NUAK1: variants seen among roughly 807,000 people sequenced by gnomAD.
NUAK1 encodes NUAK family SNF1-like kinase 1.
A neutral mutation model predicts 56.9 loss-of-function variants in NUAK1; 26 were observed. That is an observed-to-expected ratio of 0.46 (90% confidence interval 0.33 to 0.63). The LOEUF is 0.63. Among genes scored for constraint, NUAK1 ranks in the 30% least tolerant of loss-of-function variants. NUAK1 has a pLI of 0.02. For synonymous variants in NUAK1, 337 were observed against 336.0 expected (o/e 1.00, Z -0.03); for missense variants, 727 against 876.1 (o/e 0.83, Z 2.15).
At chr12:106,132,332 T>C (rs1375592127) in intron 1 of NUAK1, among the ~76,000 whole-genome samples, 3 of 152,240 alleles carry the variant, frequency 2.0e-5, no homozygotes, top group African/African-American at 7.2e-5. Context: ...TCGCTCAATG[T>C]ATTCACTTCA....
chr12:106,094,452 T>C (rs2032672827), intron 2 of NUAK1, among the ~76,000 whole-genome samples: 4 of 152,162 alleles, frequency 2.6e-5, no homozygotes, highest in African/African-American at 9.7e-5. Context: ...CTTCAAAACT[T>C]TCCTCCCTAG....
In NUAK1 at chr12:106,122,482, T is replaced by G. The variant is rs569941987; in HGVS notation, c.240+15932A>C. Among the ~76,000 whole-genome samples the G allele has an allele frequency of 6.6e-5, 10 of 152,370 alleles. No individual in the cohort carries two copies. In the South Asian group the frequency reaches 2.1e-3, roughly 32 times the overall value. Reference sequence around the variant, plus strand: ...GAATTCAGGTCAGTGACTGACATGCTTAGACTATCGCCTGGCATGTAATTG... The same window carrying G: ...GAATTCAGGTCAGTGACTGACATGCGTAGACTATCGCCTGGCATGTAATTG... On this transcript the variant is annotated intron_variant, in intron 1 of 6. Transcript: ENST00000261402.
At chr12:106,099,660 TTTCCTTACCATAAAATAGGGATCTTAACA>T (rs1223342615) in intron 2 of NUAK1, among the ~76,000 whole-genome samples, 5 of 152,108 alleles carry the variant, frequency 3.3e-5, no homozygotes, top group Non-Finnish European at 7.3e-5. Context: ...AAAGCTGAAT[TTTCCTTACCATAAAATAGGGATCTTAACA>T]TTTCATATTT....
rs2033158583 is a variant in NUAK1, at chr12:106,138,926, T to C, written c.-273A>G. 2.9e-6 allele frequency: 1 copy of C among 343,102 alleles called. No individual in the cohort carries two copies. The allele number at this position is 343,102 out of a possible 1,614,324, so 21.3% of individuals were successfully genotyped here. A position where few individuals can be genotyped will look rare whatever the true frequency, so the allele number is the denominator to read the frequency against. ...GTGGCGGCGGTGGCAGGGGAGGCGG[T>C]GGTGTTTGCAGGAGGGAGGGGAGAG... On this transcript the variant is annotated 5_prime_UTR_variant, in exon 1 of 7. Coordinates refer to ENST00000261402, the MANE Select transcript of NUAK1 (RefSeq NM_014840.3). The surrounding 1 kb of genome is among the most constrained non-coding windows in gnomAD (Gnocchi z 5.0).
rs559896740 is a variant in NUAK1 at position 106,107,012 on chromosome 12, C to T, written c.241-487G>A. ...TCGAGGCCAGCTCTGCCTCAAGCCT[C>T]GGCTTTTAAGACTCCAGGCTATGCT... On this transcript the variant is annotated intron_variant, in intron 1 of 6. Transcript: ENST00000261402. 9.9e-5 allele frequency among the ~76,000 whole-genome samples: 15 copies of T among 152,282 alleles called. No homozygotes were observed. In the South Asian group the frequency reaches 1.7e-3, roughly 17 times the overall value.
rs78790299 is a variant in NUAK1 at position 106,070,850 on chromosome 12, G to C, written c.756C>G (p.Pro252=). ...GGTTTTTGTGATCGAAACCATCGAA[G>C]GGCATTGTTCCATAAACAAGAGTGT... ...LLYTLVYGTM[P]FDGFDHKNLI... Residue 252 remains proline (P), a synonymous_variant, in exon 6 of 7, where the codon CCC becomes CCG. Transcript: ENST00000261402. 3.1e-6 allele frequency: 5 copies of C among 1,614,166 alleles called. No individual in the cohort carries two copies. In the East Asian group the frequency reaches 6.7e-5, roughly 22 times the overall value.
intron 1 of NUAK1, among the ~76,000 whole-genome samples, chr12:106,123,499 G>A (rs553520336): frequency 2.6e-4 from 40 of 152,208 alleles, no homozygotes; most frequent in Non-Finnish European, 4.9e-4. Flanking sequence ...AGTGCAGGTC[G>A]AGAGGCAAAG....
intron 1 of NUAK1, among the ~76,000 whole-genome samples, chr12:106,125,000 A>C (rs2033012226): frequency 7.6e-6 from 1 of 132,000 alleles, no homozygotes; most frequent in East Asian, 2.3e-4. Flanking sequence ...CCATCTCAAT[A>C]AATAAATAAA....
chr12:106,131,563 T>G (rs1316435188), intron 1 of NUAK1, among the ~76,000 whole-genome samples: 2 of 152,222 alleles, frequency 1.3e-5, no homozygotes, highest in Non-Finnish European at 2.9e-5. Flanking sequence ...AAATATTCCA[T>G]AAATAAAATT....
intron 3 of NUAK1, 154 bp from the exon 4 acceptor site, chr12:106,084,083 C>T: frequency 1.5e-6 from 1 of 651,700 alleles, no homozygotes; most frequent in Non-Finnish European, 2.7e-6. Flanking sequence ...TCAGGCTGCT[C>T]TCACTGTCTT....
At chr12:106,134,012 T>C (rs1051956867) in intron 1 of NUAK1, among the ~76,000 whole-genome samples, 1 of 152,234 alleles carries the variant, frequency 6.6e-6, no homozygotes, top group Non-Finnish European at 1.5e-5. Flanking sequence ...TATAAGTTCT[T>C]TAAGAGTGAG....
chr12:106,123,060 A>G (rs1251854628), intron 1 of NUAK1, among the ~76,000 whole-genome samples: 1 of 152,194 alleles, frequency 6.6e-6, no homozygotes, highest in Non-Finnish European at 1.5e-5. Flanking sequence ...AAGACTCACT[A>G]TGTGTTAGGC....
chr12:106,073,581 C>T (rs151221902), intron 4 of NUAK1, among the ~76,000 whole-genome samples: 54 of 152,168 alleles, frequency 3.5e-4, no homozygotes, highest in Admixed American at 1.1e-3. Context: ...CGAGATGAGA[C>T]CTTGGCCAGG....
intron 2 of NUAK1, among the ~76,000 whole-genome samples, chr12:106,093,155 A>C (rs2032654589): frequency 6.6e-6 from 1 of 152,226 alleles, no homozygotes; most frequent in South Asian, 2.1e-4. Flanking sequence ...AAGGGGCCTG[A>C]AAAGATTTCT....
At chr12:106,097,182 A>G (rs1407726382) in intron 2 of NUAK1, among the ~76,000 whole-genome samples, 1 of 152,226 alleles carries the variant, frequency 6.6e-6, no homozygotes, top group Non-Finnish European at 1.5e-5. Flanking sequence ...AGACAAGGAA[A>G]CAGCCTCAGA....
intron 2 of NUAK1, among the ~76,000 whole-genome samples, chr12:106,099,368 C>T (rs1375696753): frequency 6.6e-6 from 1 of 152,090 alleles, no homozygotes; most frequent in African/African-American, 2.4e-5. Flanking sequence ...AGATTTGAAC[C>T]CCAACCTTCT....
intron 1 of NUAK1, among the ~76,000 whole-genome samples, chr12:106,107,461 A>G (rs2136472422): frequency 6.6e-6 from 1 of 152,274 alleles, no homozygotes; most frequent in South Asian, 2.1e-4. Context: ...CCACCAATCA[A>G]TTTGCTGCCG....
intron 1 of NUAK1, among the ~76,000 whole-genome samples, chr12:106,131,163 C>T (rs914633563): frequency 3.3e-5 from 5 of 152,092 alleles, no homozygotes; most frequent in African/African-American, 7.2e-5. Context: ...CACCCTGAGC[C>T]CCCCCCTTTT....
chr12:106,113,100 A>C (rs1028877313), intron 1 of NUAK1, among the ~76,000 whole-genome samples: 1 of 152,208 alleles, frequency 6.6e-6, no homozygotes, highest in African/African-American at 2.4e-5. Context: ...CTACAGGGAC[A>C]GTCATTCCTT....
Sources: gnomAD v4.1 joint callset for allele counts (sites outside exome capture counted in the v4.1 genomes callset) on GRCh38, gnomAD v4.1.1 for gene constraint, Gnocchi (gnomAD v3.1) non-coding constraint, MANE v1.5 for transcripts, NCBI Gene and HGNC (gene_info 2026-07-23, HGNC 2026-07-21) for gene names.